Variants in MYO9A observed in about 807,000 individuals in gnomAD.
The protein encoded by MYO9A is myosin IXA, also known as unconventional myosin-IXa.
Under a neutral mutation model 293.3 loss-of-function variants are expected in MYO9A, and 103 were observed. The ratio of observed to expected loss-of-function variants is 0.35; its 90% CI spans 0.30 to 0.41. The LOEUF (loss-of-function observed/expected upper bound fraction) is 0.41, where lower values mean the gene tolerates loss of function less well. MYO9A is among the 10% of genes least tolerant of loss of function. The pLI is 1.00. For missense variants in MYO9A, 2,685 were observed against 3,033.0 expected, an observed-to-expected ratio of 0.89 and a Z score of 2.69; for synonymous variants, 1,001 against 1,035.7, an observed-to-expected ratio of 0.97 and a Z score of 0.64.
intron 11 of MYO9A, among the ~76,000 whole-genome samples, chr15:71,986,542 A>C (rs1430747290): frequency 6.6e-6 from 1 of 152,186 alleles, no homozygotes; most frequent in Non-Finnish European, 1.5e-5. Context: ...AATTCATATT[A>C]TCTACTGACG....
chr15:71,861,005 C>A (rs1396277522), intron 33 of MYO9A, among the ~76,000 whole-genome samples: 1 of 119,548 alleles, frequency 8.4e-6, no homozygotes, highest in Admixed American at 8.8e-5. Context: ...TCAAACCAGC[C>A]CAACATAGTC....
At chr15:71,974,712 TAAGAG>T (rs1220762766) in intron 12 of MYO9A, among the ~76,000 whole-genome samples, 1 of 152,166 alleles carries the variant, frequency 6.6e-6, no homozygotes, top group African/African-American at 2.4e-5. Context: ...AAATTGGGGC[TAAGAG>T]TGAATGCAAC....
At chr15:71,995,995 A>ATT (rs2076688323) in intron 9 of MYO9A, among the ~76,000 whole-genome samples, 1 of 152,124 alleles carries the variant, frequency 6.6e-6, no homozygotes, top group Admixed American at 6.6e-5. Context: ...AACACTAGAA[A>ATT]CCTGTATTAT....
chr15:72,099,426 A>C (rs1426052739), intron 1 of MYO9A, among the ~76,000 whole-genome samples: 3 of 145,024 alleles, frequency 2.1e-5, no homozygotes, highest in Non-Finnish European at 3.1e-5. Flanking sequence ...CTGCCCCAAA[A>C]AAAAAAAAAA....
At chr15:72,073,309 T>C (rs1485516978) in intron 1 of MYO9A, among the ~76,000 whole-genome samples, 1 of 152,180 alleles carries the variant, frequency 6.6e-6, no homozygotes, top group Admixed American at 6.5e-5. Flanking sequence ...CAAAAATGGA[T>C]CAGAAGAGGT....
intron 1 of MYO9A, among the ~76,000 whole-genome samples, chr15:72,112,625 A>G (rs1042040016): frequency 2.6e-5 from 4 of 152,228 alleles, no homozygotes; most frequent in Admixed American, 2.6e-4. Flanking sequence ...CTATGCCATA[A>G]TTGTTTCTAT....
chr15:71,885,812 A>G (rs1286987910), intron 27 of MYO9A, among the ~76,000 whole-genome samples: 36 of 152,058 alleles, frequency 2.4e-4, no homozygotes, highest in Admixed American at 2.4e-3. Context: ...AGTTCCTACC[A>G]TTGGGTCATT....
intron 39 of MYO9A, among the ~76,000 whole-genome samples, chr15:71,842,461 G>C (rs1217970944): frequency 6.6e-6 from 1 of 152,102 alleles, no homozygotes; most frequent in African/African-American, 2.4e-5. Context: ...ACTGAGGCAT[G>C]GAGATTAAAT....
intron 2 of MYO9A, among the ~76,000 whole-genome samples, chr15:72,034,654 A>G (rs907428117): frequency 6.6e-6 from 1 of 152,252 alleles, no homozygotes; most frequent in East Asian, 1.9e-4. Flanking sequence ...AAAACCACAT[A>G]GCACAGATTA....
chr15:71,886,358 A>C (rs1299589652), intron 27 of MYO9A, among the ~76,000 whole-genome samples: 1 of 152,104 alleles, frequency 6.6e-6, no homozygotes, highest in Non-Finnish European at 1.5e-5. Flanking sequence ...GGCTAGACAG[A>C]AGTCCCCAAA....
At chr15:71,850,765 C>CAAAAAAAAAAAAAAAAAAA (rs780727961) in intron 37 of MYO9A, among the ~76,000 whole-genome samples, 5 of 44,122 alleles carry the variant, frequency 1.1e-4, no homozygotes, top group African/African-American at 4.0e-4. Context: ...AACTGTGTCT[C>CAAAAAAAAAAAAAAAAAAA]AAAAAAAAAA....
At chr15:71,951,751 C>G in intron 15 of MYO9A, 26 bp downstream of exon 15, 1 of 1,613,090 alleles carries the variant, frequency 6.2e-7, no homozygotes, top group South Asian at 1.1e-5. Context: ...TATGTGATAA[C>G]AGTTTATCAG....
At chr15:71,924,590 C>T (rs763746166) in intron 18 of MYO9A, among the ~76,000 whole-genome samples, 3 of 151,874 alleles carry the variant, frequency 2.0e-5, no homozygotes, top group Non-Finnish European at 4.4e-5. Flanking sequence ...TGTGGCCCAA[C>T]ACATGACATA....
chr15:72,032,398 A>C (rs2077901347), intron 3 of MYO9A, 96 bp downstream of exon 3: 3 of 713,648 alleles, frequency 4.2e-6, no homozygotes, highest in Non-Finnish European at 4.2e-6. Flanking sequence ...TGCTGACACC[A>C]ATGTCTGGGA....
intron 26 of MYO9A, 29 bp downstream of exon 26, chr15:71,893,650 A>C: frequency 6.5e-7 from 1 of 1,528,636 alleles, no homozygotes. Flanking sequence ...TTTGTATAGA[A>C]GATAGATAAA....
intron 25 of MYO9A, among the ~76,000 whole-genome samples, chr15:71,895,006 T>C (rs1403323089): frequency 1.3e-5 from 2 of 152,228 alleles, no homozygotes; most frequent in African/African-American, 4.8e-5. Flanking sequence ...ATCTTTCATT[T>C]AATTTTTATA....
intron 1 of MYO9A, among the ~76,000 whole-genome samples, chr15:72,090,988 A>G (rs2079887212): frequency 6.8e-6 from 1 of 147,584 alleles, no homozygotes. Context: ...AAAAAAATAA[A>G]TAAATAAAAA....
In MYO9A at chr15:71,823,965, C is replaced by CAGAT. The variant is rs1434405789; in HGVS notation, c.*2611_*2614dup. On this transcript the variant is annotated 3_prime_UTR_variant, in exon 42 of 42. Transcript: ENST00000356056. ...TTACCATGCAGAGGGCCAGTGAGAACAGATGGATGCAGACACAGCGTTTGG... is the reference window on the plus strand; with the variant it reads ...TTACCATGCAGAGGGCCAGTGAGAACAGATAGATGGATGCAGACACAGCGTTTGG... 6.6e-6 allele frequency: 1 copy of CAGAT among 152,230 alleles called. No individual in the cohort carries two copies. The highest frequency in any genetic ancestry group is 1.5e-5 in the Non-Finnish European group (1 of 68,060). The allele number at this position is 152,230 out of a possible 1,614,324, so 9.4% of individuals were successfully genotyped here. A position where few individuals can be genotyped will look rare whatever the true frequency, so the allele number is the denominator to read the frequency against.
intron 1 of MYO9A, among the ~76,000 whole-genome samples, chr15:72,101,030 C>A (rs1438712143): frequency 7.3e-6 from 1 of 136,160 alleles, no homozygotes; most frequent in Non-Finnish European, 1.6e-5. Flanking sequence ...GCGGGTCAGC[C>A]CCCCGCCCGG....
Sources: allele counts gnomAD v4.1 joint callset (sites outside exome capture counted in the v4.1 genomes callset), GRCh38; gene constraint gnomAD v4.1.1; transcripts MANE v1.5; gene names NCBI Gene and HGNC (gene_info 2026-07-23, HGNC 2026-07-21).